The following ABCC1 variants were observed in gnomAD, a reference collection of about 807,000 sequenced individuals.
ABCC1 encodes ATP binding cassette subfamily C member 1 (ABCC1 blood group).
ABCC1 carries 83 observed loss-of-function variants against 172.9 expected under a neutral mutation model. That is an observed-to-expected ratio of 0.48 (90% confidence interval 0.40 to 0.58). The LOEUF (loss-of-function observed/expected upper bound fraction) is 0.58. Ranked by LOEUF, ABCC1 falls within the 20% of genes least tolerant of loss-of-function variation. The pLI is 0.00. For synonymous variants in ABCC1, 937 were observed against 825.2 expected, an observed-to-expected ratio of 1.14 and a Z score of -2.32; for missense variants, 1,817 against 2,002.7, an observed-to-expected ratio of 0.91 and a Z score of 1.77.
intron 20 of ABCC1, among the ~76,000 whole-genome samples, chr16:16,103,865 C>T (rs1170947076): frequency 1.3e-5 from 2 of 152,132 alleles, no homozygotes; most frequent in East Asian, 1.9e-4. Context: ...AAGAATGAAG[C>T]CGCAGACCCT....
At chr16:16,026,999 G>T (rs1041043338) in intron 5 of ABCC1, among the ~76,000 whole-genome samples, 2 of 152,100 alleles carry the variant, frequency 1.3e-5, no homozygotes, top group Admixed American at 6.6e-5. Flanking sequence ...TCTACCAGTG[G>T]CTGGGGACTT....
chr16:16,042,718 A>ATATATAAGATATAG (rs1211988759), intron 7 of ABCC1, among the ~76,000 whole-genome samples: 2 of 151,988 alleles, frequency 1.3e-5, no homozygotes, highest in East Asian at 1.9e-4. Flanking sequence ...AAAAAAAAAA[A>ATATATAAGATATAG]ATCCCTATAA....
At chr16:16,034,996 A>T (rs989581528) in intron 6 of ABCC1, among the ~76,000 whole-genome samples, 4 of 152,228 alleles carry the variant, frequency 2.6e-5, no homozygotes, top group Non-Finnish European at 1.5e-5. Context: ...AAACGTGGCA[A>T]CGTGTTAACA....
At position 15,949,751 on chromosome 16, in the gene ABCC1, C is replaced by T. The variant is rs1301129510; in HGVS notation, c.-1C>T. 37 of 1,188,418 alleles carry T rather than the reference C, an allele frequency of 3.1e-5. No homozygotes were observed. Among genetic ancestry groups the T allele is most frequent in the Non-Finnish European group, 2.1e-5 (20 of 957,928 alleles). The allele number at this position is 1,188,418 out of a possible 1,614,324, so 73.6% of individuals were successfully genotyped here. A position where few individuals can be genotyped will look rare whatever the true frequency, so the allele number is the denominator to read the frequency against. On this transcript the variant is annotated 5_prime_UTR_variant, in exon 1 of 31. Coordinates refer to ENST00000399410, the MANE Select transcript of ABCC1 (RefSeq NM_004996.4). ...TGCCCGCCGCCGCCCGCGCCACCGGCATGGCGCTCCGGGGCTTCTGCAGCG... is the reference window on the plus strand; with the variant it reads ...TGCCCGCCGCCGCCCGCGCCACCGGTATGGCGCTCCGGGGCTTCTGCAGCG...
chr16:16,076,829 A>AG (rs751903505), intron 15 of ABCC1, among the ~76,000 whole-genome samples: 1 of 152,154 alleles, frequency 6.6e-6, no homozygotes, highest in African/African-American at 2.4e-5. Flanking sequence ...TGGTCCCAAC[A>AG]GCTCCCACTG....
Position 16,138,417 on chromosome 16 carries a change from A to G in ABCC1, c.4346A>G (p.Lys1449Arg), listed in dbSNP as rs2045997140. Residue 1449 changes from lysine (K) to arginine (R), a missense_variant, in exon 30 of 31, where the codon AAG (lysine) becomes AGG (arginine). Lys to Arg is a conservative substitution (Grantham distance 26). Transcript: ENST00000399410. ...CLARALLRKTKILVLDEATAA... is the reference protein window; with the variant it reads ...CLARALLRKTRILVLDEATAA... ...GCCCGGGCCCTGCTGAGGAAGACGA[A>G]GATCCTTGTGTTGGATGAGGCCACG... is the stretch of plus-strand genomic sequence containing the variant. 1 of 1,610,166 alleles carries G rather than the reference A, an allele frequency of 6.2e-7. No individual in the cohort carries two copies. The highest frequency in any genetic ancestry group is 1.3e-5 in the African/African-American group (1 of 74,828).
At chr16:16,007,735 G>A in intron 1 of ABCC1, 81 bp from the exon 2 acceptor site, 2 of 1,388,254 alleles carry the variant, frequency 1.4e-6, no homozygotes, top group South Asian at 1.4e-5. Context: ...AAACCCCGTG[G>A]CAGCTGGTTT....
intron 23 of ABCC1, 131 bp from the exon 24 acceptor site, chr16:16,121,844 G>T: frequency 1.1e-6 from 1 of 891,042 alleles, no homozygotes. Flanking sequence ...CCCCTGTGAG[G>T]GCAGCCCGGC....
intron 1 of ABCC1, among the ~76,000 whole-genome samples, chr16:15,995,597 A>G (rs2047028553): frequency 1.3e-5 from 2 of 152,072 alleles, no homozygotes; most frequent in African/African-American, 2.4e-5. Context: ...TTACTTCCAC[A>G]TGACCTTGGC....
chr16:16,074,947 CTTT>C (rs71137910), intron 14 of ABCC1, among the ~76,000 whole-genome samples: 157 of 129,170 alleles, frequency 1.2e-3, no homozygotes, highest in East Asian at 1.6e-3. Flanking sequence ...TTTTCTTTTT[CTTT>C]TTTTTTTTTT....
chr16:16,069,177 T>A (rs868853203), intron 13 of ABCC1, among the ~76,000 whole-genome samples: 148 of 97,110 alleles, frequency 1.5e-3, no homozygotes, highest in African/African-American at 7.9e-3. Context: ...TAAAAATAAA[T>A]AAATAAATAA....
At chr16:15,977,314 C>T (rs1220035843) in intron 1 of ABCC1, among the ~76,000 whole-genome samples, 2 of 152,164 alleles carry the variant, frequency 1.3e-5, no homozygotes, top group Non-Finnish European at 2.9e-5. Context: ...TTTCATTTTC[C>T]TTCACTTAAC....
rs187037137 is a variant in ABCC1, at chr16:16,078,105, C to G, written c.1989-1247C>G. On this transcript the variant is annotated intron_variant, in intron 15 of 30. Transcript: ENST00000399410. The stretch of plus-strand genomic sequence containing the variant: ...CCTGGGAGGCACAGGTTTCAGTGAG[C>G]CAAGATTGAGCCACTGTACTCCAGC... Among the ~76,000 whole-genome samples, 17 of 152,304 alleles carry G rather than the reference C, an allele frequency of 1.1e-4. 1 individual carries two copies. The highest frequency in any genetic ancestry group is 9.8e-4 in the Admixed American group (15 of 15,294).
chr16:16,098,330 T>C (rs1449098746), intron 19 of ABCC1: 6 of 175,742 alleles, frequency 3.4e-5, no homozygotes, highest in Admixed American at 1.1e-4. Context: ...AACACAGTTA[T>C]GACTTTGGCC....
chr16:16,087,032 G>A (rs376529463), intron 18 of ABCC1, 41 bp downstream of exon 18: 19 of 1,610,046 alleles, frequency 1.2e-5, no homozygotes, highest in South Asian at 2.2e-5. Context: ...GGGCCGTCTC[G>A]CCCTTTGGTT....
upstream of ABCC1, chr16:15,949,611 G>GCGCGGCCGCCGCCGCCGC (rs2045810686): frequency 6.1e-6 from 1 of 163,454 alleles, no homozygotes; most frequent in Non-Finnish European, 1.2e-5. Context: ...CCGGCTCCCT[G>GCGCGGCCGCCGCCGCCGC]CGCCGCCGCC....
intron 7 of ABCC1, among the ~76,000 whole-genome samples, chr16:16,040,494 T>A (rs1320069184): frequency 6.6e-6 from 1 of 151,942 alleles, no homozygotes; most frequent in Non-Finnish European, 1.5e-5. Flanking sequence ...TCCATGTTGG[T>A]CAGTCTAGTG....
chr16:15,964,235 G>A (rs1000114508), intron 1 of ABCC1, among the ~76,000 whole-genome samples: 2 of 151,912 alleles, frequency 1.3e-5, no homozygotes, highest in African/African-American at 2.4e-5. Flanking sequence ...GAGCCACTGC[G>A]CCCGGCCAAT....
chr16:16,051,359 A>G (rs1392181839), intron 10 of ABCC1, among the ~76,000 whole-genome samples: 1 of 151,580 alleles, frequency 6.6e-6, no homozygotes, highest in Non-Finnish European at 1.5e-5. Flanking sequence ...TTTTGTAGAA[A>G]TGGGGGTCTT....
Sources: gnomAD v4.1 joint callset for allele counts (sites outside exome capture counted in the v4.1 genomes callset) on GRCh38, gnomAD v4.1.1 for gene constraint, MANE v1.5 for transcripts, NCBI Gene and HGNC (gene_info 2026-07-23, HGNC 2026-07-21) for gene names.